CACNA1H: variants seen among roughly 807,000 people sequenced by gnomAD.
CACNA1H encodes the protein calcium voltage-gated channel subunit alpha1 H, also known as voltage-dependent T-type calcium channel subunit alpha-1H.
A neutral mutation model predicts 192.5 loss-of-function variants in CACNA1H; 149 were observed. The ratio of observed to expected loss-of-function variants is 0.77; its 90% CI spans 0.68 to 0.89. CACNA1H has a LOEUF of 0.89. Ranked by LOEUF, CACNA1H falls within the 40% of genes least tolerant of loss-of-function variation. The probability of loss-of-function intolerance (pLI) is 0.00; values close to 1 mark genes in which losing one functional copy is unlikely to be tolerated. For synonymous variants in CACNA1H, 2,202 were observed against 1,475.2 expected (o/e 1.49, Z -11.29); for missense variants, 4,257 against 3,423.5 (o/e 1.24, Z -6.08).
intron 2 of CACNA1H, among the ~76,000 whole-genome samples, chr16:1,161,865 G>C (rs932151003): frequency 8.2e-5 from 12 of 147,068 alleles, no homozygotes; most frequent in African/African-American, 3.3e-4. Flanking sequence ...TGCCTGTGGG[G>C]TGGGTCCGTG....
chr16:1,194,434 G>A (rs761380378), intron 2 of CACNA1H, among the ~76,000 whole-genome samples: 2 of 152,166 alleles, frequency 1.3e-5, no homozygotes, highest in Non-Finnish European at 2.9e-5. Flanking sequence ...CTGGGACAGG[G>A]GCCCTGGAAA....
intron 18 of CACNA1H, 40 bp from the exon 19 acceptor site, chr16:1,210,330 G>GCCCC: frequency 1.4e-6 from 2 of 1,407,118 alleles, no homozygotes; most frequent in Non-Finnish European, 1.9e-6. Context: ...TGCCATCCAC[G>GCCCC]CCGCCCCGCC....
In CACNA1H at chr16:1,191,451, T is replaced by C. The variant is rs67427422; in HGVS notation, c.300-3521T>C. On this transcript the variant is annotated intron_variant, in intron 2 of 34. Transcript: ENST00000348261. ...GTGTGGCCTCAGGCACACTCAGGGT[T>C]TTGGTGACCCAGCAGGCTGGCCTGG... Among the ~76,000 whole-genome samples the C allele has an allele frequency of 4.9e-3, 205 of 41,684 alleles. 21 individuals carry two copies. Among genetic ancestry groups the C allele is most frequent in the Non-Finnish European group, 5.6e-3 (131 of 23,266 alleles). The allele number at this position is 41,684 out of a possible 152,430, so 27.3% of individuals were successfully genotyped here.
At position 1,202,175 on chromosome 16, in the gene CACNA1H, C is replaced by T; in HGVS notation, c.1725C>T (p.Ile575=). ...GPPDAESVHS[I]YHADCHIEGP... ...CCGACGCAGAGTCTGTGCACAGCAT[C>T]TACCATGCCGACTGCCACATAGAGG... The change falls in exon 9 of 35, where the codon ATC becomes ATT. Residue 575 remains isoleucine, a synonymous_variant. Coordinates refer to ENST00000348261, the MANE Select transcript of CACNA1H (RefSeq NM_021098.3). 1.3e-6 allele frequency: 2 copies of T among 1,552,330 alleles called. No homozygotes were observed. The highest frequency in any genetic ancestry group is 1.7e-6 in the Non-Finnish European group (2 of 1,148,658).
rs978586823 is a variant in CACNA1H at position 1,153,899 on chromosome 16, G to A, written c.162G>A (p.Pro54=). 1 of 1,450,952 alleles carries A rather than the reference G, an allele frequency of 6.9e-7. No individual in the cohort carries two copies. Among genetic ancestry groups the A allele is most frequent in the Non-Finnish European group, 9.1e-7 (1 of 1,102,394 alleles). The allele number at this position is 1,450,952 out of a possible 1,614,324, so 89.9% of individuals were successfully genotyped here. ...SELGVSPSES[P]AAERGAELGA... ...TCGGCGTGTCACCCTCCGAGAGCCC[G>A]GCGGCCGAGCGCGGCGCGGAGCTGG... Residue 54 remains proline (P), a synonymous_variant, in exon 2 of 35, where the codon CCG becomes CCA. Transcript: ENST00000348261.
intron 2 of CACNA1H, among the ~76,000 whole-genome samples, chr16:1,194,723 C>G (rs1413859202): frequency 6.6e-6 from 1 of 152,054 alleles, no homozygotes; most frequent in Non-Finnish European, 1.5e-5. Flanking sequence ...GATGAGCCAA[C>G]GCCGAGGGCC....
At chr16:1,194,496 C>T (rs930271623) in intron 2 of CACNA1H, among the ~76,000 whole-genome samples, 21 of 152,150 alleles carry the variant, frequency 1.4e-4, no homozygotes, top group African/African-American at 4.8e-4. Context: ...GACGGGGAGT[C>T]CTGTCCGGTG....
intron 2 of CACNA1H, among the ~76,000 whole-genome samples, chr16:1,181,936 GCACACACGCCCCCTCGCA>G (rs1387487387): frequency 1.3e-5 from 2 of 151,768 alleles, no homozygotes; most frequent in African/African-American, 2.4e-5. Context: ...TGTCCCCTTT[GCACACACGCCCCCTCGCA>G]CACGCATGCC....
In CACNA1H at chr16:1,218,249, C is replaced by G. The variant is rs1275454609; in HGVS notation, c.5485C>G (p.Leu1829Val). 1.9e-6 allele frequency: 3 copies of G among 1,550,740 alleles called. No individual in the cohort carries two copies. The highest frequency in any genetic ancestry group is 2.0e-5 in the Admixed American group (1 of 51,046). Reference sequence around the variant, plus strand: ...GTGCTCCCGTGAGGACAAGCACTGCCTGAGCTACCTGCCGGCCCTGTCGCC... The same window carrying G: ...GTGCTCCCGTGAGGACAAGCACTGCGTGAGCTACCTGCCGGCCCTGTCGCC... ...RECSREDKHC[L>V]SYLPALSPVY... The change falls in exon 33 of 35, where the codon CTG becomes GTG. Residue 1829 changes from leucine to valine, a missense_variant. Transcript: ENST00000348261.
chr16:1,158,665 C>T (rs950861548), intron 2 of CACNA1H, among the ~76,000 whole-genome samples: 6 of 152,180 alleles, frequency 3.9e-5, no homozygotes, highest in Non-Finnish European at 7.4e-5. Flanking sequence ...CAGAGCAGGC[C>T]GGGCCCTGGC....
At chr16:1,197,230 C>T (rs1596388098) in intron 5 of CACNA1H, among the ~76,000 whole-genome samples, 3 of 152,334 alleles carry the variant, frequency 2.0e-5, no homozygotes, top group South Asian at 2.1e-4. Flanking sequence ...CTCAGTTTCT[C>T]CTGGAATAGT....
intron 5 of CACNA1H, 111 bp from the exon 6 acceptor site, chr16:1,198,504 G>A: frequency 2.6e-6 from 3 of 1,164,340 alleles, no homozygotes; most frequent in Middle Eastern, 2.3e-4. Flanking sequence ...CAGTGGGCGT[G>A]GACACCCACT....
In CACNA1H at chr16:1,201,950, C is replaced by T. The variant is rs779881168; in HGVS notation, c.1500C>T (p.Pro500=). 1.1e-5 allele frequency: 17 copies of T among 1,546,724 alleles called. No individual in the cohort carries two copies. The highest frequency in any genetic ancestry group is 4.9e-5 in the East Asian group (2 of 40,828). ...VDPSAVQGQG[P]GHRQRRAGRH... ...CCAGTGCTGTGCAAGGCCAGGGTCC[C>T]GGGCACCGCCAGCGCCGGGCAGGCA... Residue 500 remains proline (P), a synonymous_variant, in exon 9 of 35, where the codon CCC becomes CCT. Transcript: ENST00000348261.
chr16:1,186,324 G>A (rs564860299), intron 2 of CACNA1H, among the ~76,000 whole-genome samples: 1 of 152,012 alleles, frequency 6.6e-6, no homozygotes, highest in African/African-American at 2.4e-5. Flanking sequence ...GGCCCAGGGA[G>A]CCCTGAAGGC....
intron 2 of CACNA1H, among the ~76,000 whole-genome samples, chr16:1,155,644 C>T (rs898033670): frequency 6.6e-6 from 1 of 151,910 alleles, no homozygotes; most frequent in African/African-American, 2.4e-5. Flanking sequence ...CTGCCCCATC[C>T]CCAAGCAGGG....
chr16:1,158,519 C>T (rs948893860), intron 2 of CACNA1H, among the ~76,000 whole-genome samples: 3 of 152,204 alleles, frequency 2.0e-5, no homozygotes, highest in Non-Finnish European at 2.9e-5. Flanking sequence ...CAGGGCCGCA[C>T]GCCCCGTGGG....
chr16:1,156,957 T>C (rs1243590563), intron 2 of CACNA1H: 7 of 152,226 alleles, frequency 4.6e-5, no homozygotes, highest in African/African-American at 1.7e-4. Context: ...CTTAAAAATA[T>C]AATTGTCTTA....
At chr16:1,165,750 C>T (rs1301276613) in intron 2 of CACNA1H, among the ~76,000 whole-genome samples, 3 of 152,202 alleles carry the variant, frequency 2.0e-5, no homozygotes, top group Admixed American at 1.3e-4. Context: ...GGGTGGCTCC[C>T]GGCTCTCCTG....
At chr16:1,189,785 T>C (rs1055542978) in intron 2 of CACNA1H, among the ~76,000 whole-genome samples, 3 of 152,040 alleles carry the variant, frequency 2.0e-5, no homozygotes, top group African/African-American at 7.2e-5. Flanking sequence ...CTGAGGAGTA[T>C]TTCAACAGAC....
Sources: gnomAD v4.1 joint callset for allele counts (sites outside exome capture counted in the v4.1 genomes callset) on GRCh38, gnomAD v4.1.1 for gene constraint, MANE v1.5 for transcripts, NCBI Gene and HGNC (gene_info 2026-07-23, HGNC 2026-07-21) for gene names.